PLCL2: variants seen among roughly 807,000 people sequenced by gnomAD.
PLCL2 encodes inactive phospholipase C-like protein 2.
PLCL2 carries 4 observed loss-of-function variants against 79.6 expected under a neutral mutation model. The ratio of observed to expected loss-of-function variants is 0.05; its 90% confidence interval spans 0.02 to 0.11. The LOEUF is 0.11. Among genes scored for constraint, PLCL2 ranks in the 10% least tolerant of loss-of-function variants. The pLI is 1.00. For missense variants in PLCL2, 895 were observed against 1,291.0 expected (o/e 0.69, Z 4.70); for synonymous variants, 484 against 457.7 (o/e 1.06, Z -0.73).
intron 1 of PLCL2, among the ~76,000 whole-genome samples, chr3:16,974,788 T>C (rs1268105309): frequency 1.3e-5 from 2 of 152,226 alleles, no homozygotes; most frequent in African/African-American, 4.8e-5. Context: ...AAAAGTGTTT[T>C]CTCAGTAGCA....
At chr3:16,917,048 A>G (rs1697013532) in intron 1 of PLCL2, among the ~76,000 whole-genome samples, 1 of 152,204 alleles carries the variant, frequency 6.6e-6, no homozygotes, top group African/African-American at 2.4e-5. Context: ...GCTATGCTAT[A>G]AAAGGCTCTT....
intron 1 of PLCL2, among the ~76,000 whole-genome samples, chr3:16,918,733 G>A (rs944490881): frequency 6.6e-6 from 1 of 152,144 alleles, no homozygotes; most frequent in African/African-American, 2.4e-5. Flanking sequence ...ACTTTGCTGG[G>A]TCTCAGTTTC....
At chr3:17,051,422 T>C (rs938850530) in intron 4 of PLCL2, among the ~76,000 whole-genome samples, 4 of 152,094 alleles carry the variant, frequency 2.6e-5, no homozygotes, top group African/African-American at 4.8e-5. Flanking sequence ...CATAAGTATA[T>C]ATACCTGCTA....
intron 1 of PLCL2, among the ~76,000 whole-genome samples, chr3:16,969,685 A>C (rs906346437): frequency 2.6e-5 from 4 of 151,950 alleles, no homozygotes; most frequent in Non-Finnish European, 5.9e-5. Context: ...ATTCCTACAA[A>C]TAACCAACTC....
intron 1 of PLCL2, among the ~76,000 whole-genome samples, chr3:16,976,418 G>T (rs569747015): frequency 3.0e-4 from 46 of 152,274 alleles, no homozygotes; most frequent in African/African-American, 1.0e-3. Context: ...TCATCTGGAG[G>T]CAGAATTCTT....
At chr3:16,998,199 AT>A (rs11425532) in intron 1 of PLCL2, among the ~76,000 whole-genome samples, 9 of 151,574 alleles carry the variant, frequency 5.9e-5, no homozygotes, top group African/African-American at 1.9e-4. Context: ...GAGGAAAATA[AT>A]TTTTTTTTCA....
At chr3:17,086,371 C>CT (rs2065220573) in intron 5 of PLCL2, among the ~76,000 whole-genome samples, 1 of 152,192 alleles carries the variant, frequency 6.6e-6, no homozygotes, top group Admixed American at 6.5e-5. Context: ...GCTGGAAAAA[C>CT]TGGACATCCA....
chr3:17,039,192 G>C (rs761657034), intron 3 of PLCL2, among the ~76,000 whole-genome samples: 8 of 152,250 alleles, frequency 5.3e-5, no homozygotes, highest in Non-Finnish European at 8.8e-5. Context: ...GATCCAGACA[G>C]AAAGTGGCCC....
At chr3:16,993,852 G>C (rs2064127300) in intron 1 of PLCL2, among the ~76,000 whole-genome samples, 2 of 152,060 alleles carry the variant, frequency 1.3e-5, no homozygotes, top group African/African-American at 4.8e-5. Context: ...TGAGCTTCTT[G>C]GTTTTATAGT....
At chr3:17,029,989 T>G (rs1575595154) in intron 3 of PLCL2, among the ~76,000 whole-genome samples, 1 of 152,206 alleles carries the variant, frequency 6.6e-6, no homozygotes, top group East Asian at 1.9e-4. Context: ...ATGCATGGAG[T>G]GTGAACACCT....
rs1037377240 is a variant in PLCL2 at position 17,011,155 on chromosome 3, A to G, written c.1809A>G (p.Gln603=). Residue 603 remains glutamine, a synonymous_variant, in exon 2 of 6, where the codon CAA becomes CAG. Coordinates refer to ENST00000615277, the MANE Select transcript of PLCL2 (RefSeq NM_001144382.2). The surrounding 1 kb of genome is among the most constrained non-coding windows in gnomAD (Gnocchi z 7.9). The part of the protein sequence containing the change: ...SQRMGKENME[Q]PNNVPVKRFQ... The stretch of plus-strand genomic sequence containing the variant: ...GGATGGGAAAAGAGAACATGGAGCA[A>G]CCCAATAATGTGCCTGTGAAGCGAT... 7.4e-6 allele frequency: 12 copies of G among 1,614,054 alleles called. No homozygotes were observed. Among genetic ancestry groups the G allele is most frequent in the Non-Finnish European group, 1.0e-5 (12 of 1,180,030 alleles).
At chr3:17,034,600 CTTG>C (rs1356839116) in intron 3 of PLCL2, among the ~76,000 whole-genome samples, 1 of 152,146 alleles carries the variant, frequency 6.6e-6, no homozygotes, top group African/African-American at 2.4e-5. Context: ...AATGATCTTA[CTTG>C]TTTTCATTAA....
At chr3:16,890,259 T>C (rs1696315206) in intron 1 of PLCL2, among the ~76,000 whole-genome samples, 1 of 152,344 alleles carries the variant, frequency 6.6e-6, no homozygotes, top group African/African-American at 2.4e-5. Context: ...TTGTATTTGA[T>C]TTGCATTGTT....
chr3:16,979,156 A>G (rs1374344376), intron 1 of PLCL2, among the ~76,000 whole-genome samples: 1 of 152,178 alleles, frequency 6.6e-6, no homozygotes, highest in Non-Finnish European at 1.5e-5. Flanking sequence ...TGACTTACGT[A>G]TTATAGGCCA....
chr3:16,885,791 CAG>C (rs1696207148), intron 1 of PLCL2, among the ~76,000 whole-genome samples: 1 of 152,172 alleles, frequency 6.6e-6, no homozygotes, highest in Admixed American at 6.5e-5. Context: ...AGAGGGTGAA[CAG>C]AGATTATTTA....
In PLCL2 at chr3:17,071,822, ATTCTTTTTTTTTT is replaced by A. The variant is rs1238241887; in HGVS notation, c.3204+3767_3204+3779del. On this transcript the variant is annotated intron_variant, in intron 5 of 5. Transcript: ENST00000615277. ...AAAATAAGTTATGTCAGCAGACATA[ATTCTTTTTTTTTT>A]TTCTTTTTTGAGATGGAGTCTCACT... Among the ~76,000 whole-genome samples the A allele has an allele frequency of 2.0e-5, 3 of 151,642 alleles. No individual in the cohort carries two copies. In the East Asian group the frequency reaches 5.8e-4, roughly 29 times the overall value.
intron 4 of PLCL2, among the ~76,000 whole-genome samples, chr3:17,065,714 C>T (rs1455398684): frequency 1.3e-5 from 2 of 152,216 alleles, no homozygotes; most frequent in Non-Finnish European, 2.9e-5. Context: ...GAGCCCACAT[C>T]CAGTCAAGCA....
intron 1 of PLCL2, among the ~76,000 whole-genome samples, chr3:16,892,682 G>C (rs139155077): frequency 7.8e-4 from 119 of 152,324 alleles, no homozygotes; most frequent in Non-Finnish European, 1.6e-3. Flanking sequence ...TGTAATGGTA[G>C]AAATTCTGCC....
chr3:16,963,507 C>T (rs1043533556), intron 1 of PLCL2, among the ~76,000 whole-genome samples: 1 of 152,008 alleles, frequency 6.6e-6, no homozygotes, highest in African/African-American at 2.4e-5. Flanking sequence ...TGTTCTGATC[C>T]TATGCCAGCA....
Sources: allele counts gnomAD v4.1 joint callset (sites outside exome capture counted in the v4.1 genomes callset), GRCh38; gene constraint gnomAD v4.1.1; non-coding constraint Gnocchi (gnomAD v3.1); transcripts MANE v1.5; gene names NCBI Gene and HGNC (gene_info 2026-07-23, HGNC 2026-07-21).